The following IFT56 variants were observed in gnomAD, a reference collection of about 807,000 sequenced individuals.
IFT56 encodes the protein intraflagellar transport 56, also known as intraflagellar transport protein 56.
the IFT56 span, among the ~76,000 whole-genome samples, chr7:139,155,777 T>A: frequency 3.9e-5 from 6 of 152,154 alleles, no homozygotes; most frequent in African/African-American, 1.4e-4. Flanking sequence ...ATTGGGGTAA[T>A]ACTAGCCACA....
the IFT56 span, among the ~76,000 whole-genome samples, chr7:139,185,809 C>T: frequency 6.6e-6 from 1 of 151,284 alleles, no homozygotes; most frequent in Admixed American, 6.6e-5. Flanking sequence ...TGTTATTTCA[C>T]AATAAAGACT....
At chr7:139,147,248 A>G in the IFT56 span, 1 of 1,613,556 alleles carries the variant, frequency 6.2e-7, no homozygotes, top group Admixed American at 1.7e-5. Context: ...TCTCACTACC[A>G]AGAAGCTATA....
the IFT56 span, among the ~76,000 whole-genome samples, chr7:139,150,195 G>A: frequency 6.6e-6 from 1 of 152,096 alleles, no homozygotes; most frequent in Non-Finnish European, 1.5e-5. Flanking sequence ...TTCAACTAAG[G>A]AGTCCCCCAA....
chr7:139,190,398 AC>A, the IFT56 span: 1 of 152,316 alleles, frequency 6.6e-6, no homozygotes, highest in East Asian at 1.9e-4. Context: ...GGCACCCGCC[AC>A]CGCGCCCGGC....
chr7:139,163,673 A>G, the IFT56 span, among the ~76,000 whole-genome samples: 183 of 152,274 alleles, frequency 1.2e-3, 1 homozygote, highest in African/African-American at 4.3e-3. Context: ...TTTCAAGAGA[A>G]CAAAAACCCC....
the IFT56 span, chr7:139,190,952 T>C: frequency 6.6e-6 from 1 of 152,222 alleles, no homozygotes; most frequent in Non-Finnish European, 1.5e-5. Flanking sequence ...CCGTAGGCAC[T>C]GTATTAGTTG....
chr7:139,134,829 T>C, the IFT56 span: 1 of 1,599,536 alleles, frequency 6.3e-7, no homozygotes, highest in Non-Finnish European at 8.5e-7. Context: ...AGTGTATGAA[T>C]ACCAGACTGT....
the IFT56 span, chr7:139,178,211 C>T: frequency 2.5e-6 from 4 of 1,610,892 alleles, no homozygotes. Context: ...CCCTCCGTTT[C>T]AGATACAATA....
At chr7:139,144,932 T>C in the IFT56 span, among the ~76,000 whole-genome samples, 1 of 152,202 alleles carries the variant, frequency 6.6e-6, no homozygotes. Flanking sequence ...TGGTTTTCAG[T>C]CAAATGTTCT....
At chr7:139,135,501 T>C in the IFT56 span, among the ~76,000 whole-genome samples, 3 of 152,164 alleles carry the variant, frequency 2.0e-5, no homozygotes, top group East Asian at 5.8e-4. Context: ...ATGCTTACGG[T>C]TGAAAATATA....
the IFT56 span, among the ~76,000 whole-genome samples, chr7:139,147,635 A>G: frequency 1.3e-5 from 2 of 152,028 alleles, no homozygotes; most frequent in Non-Finnish European, 2.9e-5. Context: ...TTAAGAACCA[A>G]TTTTTCCCCT....
chr7:139,165,112 C>T, the IFT56 span: 6 of 1,588,836 alleles, frequency 3.8e-6, no homozygotes, highest in Non-Finnish European at 4.3e-6. Flanking sequence ...GCCATAATAG[C>T]ATGATTTCTG....
At chr7:139,158,925 A>C in the IFT56 span, among the ~76,000 whole-genome samples, 1 of 152,100 alleles carries the variant, frequency 6.6e-6, no homozygotes, top group Non-Finnish European at 1.5e-5. Flanking sequence ...AAAAACAAAA[A>C]ATTTTAAAAA....
the IFT56 span, among the ~76,000 whole-genome samples, chr7:139,139,186 T>C: frequency 6.6e-6 from 1 of 151,966 alleles, no homozygotes; most frequent in Non-Finnish European, 1.5e-5. Context: ...AAAATGAAAA[T>C]ATTCAAGGAC....
the IFT56 span, chr7:139,168,527 A>G: frequency 8.5e-6 from 6 of 705,624 alleles, no homozygotes; most frequent in South Asian, 9.0e-5. Context: ...ATATCCCCCA[A>G]TCCAGACTCC....
At chr7:139,148,748 C>T in the IFT56 span, among the ~76,000 whole-genome samples, 2 of 149,378 alleles carry the variant, frequency 1.3e-5, no homozygotes, top group Admixed American at 1.3e-4. Context: ...AACATGGCCC[C>T]ATCTCTACTA....
the IFT56 span, among the ~76,000 whole-genome samples, chr7:139,139,639 A>C: frequency 6.6e-6 from 1 of 152,216 alleles, no homozygotes; most frequent in East Asian, 1.9e-4. Flanking sequence ...ATTGTTTGTT[A>C]GTCCCTATCA....
At chr7:139,169,389 A>T in the IFT56 span, 1 of 1,575,246 alleles carries the variant, frequency 6.3e-7, no homozygotes, top group Non-Finnish European at 8.7e-7. Context: ...CTGCTTCATA[A>T]TTGGAGTGGG....
chr7:139,157,278 C>A, the IFT56 span, among the ~76,000 whole-genome samples: 1 of 150,002 alleles, frequency 6.7e-6, no homozygotes, highest in Non-Finnish European at 1.5e-5. Context: ...TCCTGAGTAG[C>A]TGGGATTACA....
Sources: allele counts gnomAD v4.1 joint callset (sites outside exome capture counted in the v4.1 genomes callset), GRCh38; gene constraint gnomAD v4.1.1; transcripts MANE v1.5; gene names NCBI Gene and HGNC (gene_info 2026-07-23, HGNC 2026-07-21).